The following ZFAND3 variants were observed in gnomAD, a reference collection of about 807,000 sequenced individuals.
The protein encoded by ZFAND3 is AN1-type zinc finger protein 3.
ZFAND3 carries 10 observed loss-of-function variants against 29.6 expected under a neutral mutation model. That is an observed-to-expected ratio of 0.34 (90% CI 0.21 to 0.57). ZFAND3 has a LOEUF of 0.57. Among genes scored for constraint, ZFAND3 ranks in the 20% least tolerant of loss-of-function variants. The pLI, the probability that ZFAND3 is intolerant of heterozygous loss-of-function variation, is 0.86. For synonymous variants in ZFAND3, 128 were observed against 112.6 expected, an observed-to-expected ratio of 1.14 and a Z score of -0.87; for missense variants, 230 against 304.5, an observed-to-expected ratio of 0.76 and a Z score of 1.82.
At chr6:37,914,289 A>G (rs1461422047) in intron 1 of ZFAND3, among the ~76,000 whole-genome samples, 3 of 152,282 alleles carry the variant, frequency 2.0e-5, no homozygotes, top group Non-Finnish European at 2.9e-5. Flanking sequence ...CAGATGTGCT[A>G]TCTTCCAGAC....
rs112599440 is a variant in ZFAND3, at chr6:38,152,259, G to A, written c.554G>A (p.Arg185His). The change falls in exon 6 of 6, where the codon CGC becomes CAC. Residue 185 changes from arginine to histidine, a missense_variant. Around this residue, in one of 2 missense-constraint regions of ZFAND3, gnomAD observed 50 missense variants for 102.0 expected, o/e 0.49. Transcript: ENST00000287218. ...GGTTATGTGTTCTGTATGTTACATC[G>A]CCTCCCCGAGCAGCACGACTGCACA... ...RCGYVFCMLHRLPEQHDCTFD... is the reference protein window; with the variant it reads ...RCGYVFCMLHHLPEQHDCTFD... 3 of 1,572,192 alleles carry A rather than the reference G, an allele frequency of 1.9e-6. No individual in the cohort carries two copies. Among genetic ancestry groups the A allele is most frequent in the Non-Finnish European group, 2.6e-6 (3 of 1,160,738 alleles).
chr6:38,049,944 A>ATTTTATTTT (rs1309618902), intron 2 of ZFAND3, among the ~76,000 whole-genome samples: 1 of 30,494 alleles, frequency 3.3e-5, no homozygotes, highest in East Asian at 4.7e-3. Context: ...GTAGGCAATT[A>ATTTTATTTT]ATTTTTTTTT....
At chr6:37,837,506 CTTT>C (rs34162951) in intron 1 of ZFAND3, among the ~76,000 whole-genome samples, 3 of 139,240 alleles carry the variant, frequency 2.2e-5, no homozygotes, top group Non-Finnish European at 3.1e-5. Context: ...ATAGATAGTC[CTTT>C]TTTTTTTTTT....
intron 5 of ZFAND3, among the ~76,000 whole-genome samples, chr6:38,130,272 C>T (rs893944800): frequency 2.6e-5 from 4 of 152,172 alleles, no homozygotes; most frequent in Admixed American, 2.6e-4. Context: ...GTGAGTTTGA[C>T]TTCCTCCTTA....
intron 5 of ZFAND3, among the ~76,000 whole-genome samples, chr6:38,147,250 T>G (rs560058305): frequency 6.6e-6 from 1 of 152,356 alleles, no homozygotes; most frequent in East Asian, 1.9e-4. Context: ...GATATTTGCC[T>G]TTGTGTGCCT....
chr6:38,023,914 G>A (rs189266821), intron 2 of ZFAND3, among the ~76,000 whole-genome samples: 31 of 152,244 alleles, frequency 2.0e-4, no homozygotes, highest in Admixed American at 9.2e-4. Flanking sequence ...AGCTACTCGG[G>A]AGGCTGAGGC....
At chr6:38,151,366 G>A (rs1294656377) in intron 5 of ZFAND3, among the ~76,000 whole-genome samples, 7 of 152,204 alleles carry the variant, frequency 4.6e-5, no homozygotes, top group Admixed American at 3.3e-4. Flanking sequence ...TGCGCTTCTG[G>A]GAGGGAAAGA....
intron 2 of ZFAND3, among the ~76,000 whole-genome samples, chr6:38,059,282 T>C (rs1457665771): frequency 5.3e-5 from 8 of 152,342 alleles, no homozygotes; most frequent in South Asian, 2.1e-4. Context: ...TTATCATTCA[T>C]GTATCCATAA....
chr6:37,875,021 C>A (rs1055866208), intron 1 of ZFAND3, among the ~76,000 whole-genome samples: 1 of 151,842 alleles, frequency 6.6e-6, no homozygotes, highest in Non-Finnish European at 1.5e-5. Context: ...GTAGATGTAT[C>A]TTTGAATGAG....
intron 3 of ZFAND3, 23 bp downstream of exon 3, chr6:38,061,798 G>GT: frequency 6.2e-7 from 1 of 1,612,094 alleles, no homozygotes; most frequent in South Asian, 1.1e-5. Flanking sequence ...CTTCTGAGGG[G>GT]TGGTAGAGAG....
intron 5 of ZFAND3, among the ~76,000 whole-genome samples, chr6:38,144,207 A>T (rs1581957168): frequency 6.9e-5 from 3 of 43,666 alleles, no homozygotes; most frequent in South Asian, 9.7e-4. Flanking sequence ...ATATATATAT[A>T]TATAATATAT....
At chr6:37,896,556 T>TTCTTTC (rs1765215101) in intron 1 of ZFAND3, among the ~76,000 whole-genome samples, 1 of 148,892 alleles carries the variant, frequency 6.7e-6, no homozygotes, top group East Asian at 2.0e-4. Flanking sequence ...CTTTCTTTCT[T>TTCTTTC]TCTTTCTTTC....
intron 3 of ZFAND3, among the ~76,000 whole-genome samples, chr6:38,072,221 G>A (rs1457531365): frequency 2.0e-5 from 3 of 151,566 alleles, no homozygotes; most frequent in Non-Finnish European, 2.9e-5. Flanking sequence ...AACCATTTTT[G>A]CTCGTTGGTA....
chr6:38,144,213 TATATAATATA>T (rs1766046414), intron 5 of ZFAND3, among the ~76,000 whole-genome samples: 1 of 55,360 alleles, frequency 1.8e-5, no homozygotes, highest in South Asian at 4.6e-4. Flanking sequence ...ATATATATAA[TATATAATATA>T]TATATATATT....
intron 1 of ZFAND3, among the ~76,000 whole-genome samples, chr6:37,869,683 AT>A (rs976049894): frequency 2.0e-5 from 3 of 148,960 alleles, no homozygotes; most frequent in African/African-American, 4.9e-5. Context: ...TATTAAAAAA[AT>A]TTTTTTTTGT....
chr6:38,147,450 T>C (rs1766133672), intron 5 of ZFAND3, among the ~76,000 whole-genome samples: 1 of 152,258 alleles, frequency 6.6e-6, no homozygotes, highest in Non-Finnish European at 1.5e-5. Context: ...ACAATAAACA[T>C]GCGAATGCAG....
At chr6:37,958,447 C>T (rs1055794570) in intron 2 of ZFAND3, among the ~76,000 whole-genome samples, 2 of 106,772 alleles carry the variant, frequency 1.9e-5, no homozygotes, top group African/African-American at 4.1e-5. Flanking sequence ...GAACAAGACT[C>T]GGTCTCAAAA....
In ZFAND3 at chr6:37,825,843, GTATATAAAAGAT is replaced by G. The variant is rs1282109596; in HGVS notation, c.71+5831_71+5842del. On this transcript the variant is annotated intron_variant, in intron 1 of 5. Transcript: ENST00000287218. ...AGTCCTTAAAAAGAAACCAAGAACA[GTATATAAAAGAT>G]TATTTATTTAGAACAGAATACTTAG... Among the ~76,000 whole-genome samples the G allele has an allele frequency of 2.6e-5, 4 of 152,106 alleles. No individual in the cohort carries two copies. In the East Asian group the frequency reaches 7.7e-4, roughly 29 times the overall value.
intron 1 of ZFAND3, among the ~76,000 whole-genome samples, chr6:37,922,044 A>G (rs189451330): frequency 7.7e-4 from 117 of 152,336 alleles, no homozygotes; most frequent in African/African-American, 2.7e-3. Context: ...AGCCTGGGCA[A>G]TAGAGCCAGG....
Sources: gnomAD v4.1 joint callset for allele counts (sites outside exome capture counted in the v4.1 genomes callset) on GRCh38, gnomAD v4.1.1 for gene constraint, gnomAD v4.1.1 regional missense constraint, MANE v1.5 for transcripts, NCBI Gene and HGNC (gene_info 2026-07-23, HGNC 2026-07-21) for gene names.